Variants in SNRPA1 observed in about 807,000 individuals in gnomAD.
SNRPA1 encodes the protein U2 small nuclear ribonucleoprotein A'.
In SNRPA1, 5 loss-of-function variants were observed where a neutral mutation model predicts 32.3. That is an observed-to-expected ratio of 0.15 (90% CI 0.08 to 0.33). The LOEUF is 0.33. Ranked by LOEUF, SNRPA1 falls within the 10% of genes least tolerant of loss-of-function variation. The probability of loss-of-function intolerance (pLI) is 1.00; values close to 1 mark genes in which losing one functional copy is unlikely to be tolerated. For synonymous variants in SNRPA1, 111 were observed against 120.1 expected (o/e 0.92, Z 0.50); for missense variants, 198 against 311.1 (o/e 0.64, Z 2.74).
intron 8 of SNRPA1, among the ~76,000 whole-genome samples, chr15:101,283,972 G>T (rs972112235): frequency 2.0e-5 from 3 of 152,218 alleles, no homozygotes; most frequent in African/African-American, 7.2e-5. Flanking sequence ...TTAATTTTTA[G>T]CTCCCAGCTC....
At chr15:101,292,899 A>AAAAAAGAAAAAG (rs201980668) in intron 2 of SNRPA1, 126 bp downstream of exon 2, 1 of 539,314 alleles carries the variant, frequency 1.9e-6, no homozygotes, top group South Asian at 6.1e-5. Flanking sequence ...AAATATAAAT[A>AAAAAAGAAAAAG]AAAAAGAAAA....
chr15:101,285,243 A>C (rs1567124182), intron 7 of SNRPA1, 183 bp from the exon 8 acceptor site: 2 of 545,182 alleles, frequency 3.7e-6, no homozygotes. Flanking sequence ...GCCAAACCAC[A>C]AATTTCTAAA....
chr15:101,289,034 G>T (rs1315799189), intron 3 of SNRPA1, among the ~76,000 whole-genome samples: 1 of 152,182 alleles, frequency 6.6e-6, no homozygotes, highest in East Asian at 1.9e-4. Flanking sequence ...TAAAAACAGG[G>T]AGAGCAGAGC....
Position 101,295,156 on chromosome 15 carries a change from A to C in SNRPA1, c.23T>G (p.Leu8Arg). 6.4e-7 allele frequency: 1 copy of C among 1,556,860 alleles called. No individual in the cohort carries two copies. Among genetic ancestry groups the C allele is most frequent in the Non-Finnish European group, 8.7e-7 (1 of 1,155,886 alleles). Residue 8 changes from leucine to arginine, a missense_variant, in exon 1 of 9, where the codon CTG (leucine) becomes CGG (arginine). Transcript: ENST00000254193. ...GGTGTACTGCGCCGCCTGCTCGATC[A>C]GCTCCGCCGTCAGCTTGACCATCCT... MVKLTAE[L>R]IEQAAQYTNA...
intron 8 of SNRPA1, among the ~76,000 whole-genome samples, chr15:101,282,442 C>A (rs2039406584): frequency 6.6e-6 from 1 of 152,204 alleles, no homozygotes; most frequent in African/African-American, 2.4e-5. Context: ...GCCACACAGG[C>A]ACACAGTTAG....
chr15:101,282,361 T>C (rs2039405465), intron 8 of SNRPA1, among the ~76,000 whole-genome samples: 1 of 152,258 alleles, frequency 6.6e-6, no homozygotes, highest in Admixed American at 6.5e-5. Context: ...GTCAGCTGAA[T>C]TATTGTATTG....
chr15:101,293,251 T>C (rs188365092), intron 1 of SNRPA1, 79 bp from the exon 2 acceptor site: 172 of 974,572 alleles, frequency 1.8e-4, no homozygotes, highest in Non-Finnish European at 1.0e-4. Context: ...CTGTATTTCA[T>C]AGTATCTGAC....
intron 1 of SNRPA1, 89 bp downstream of exon 1, chr15:101,295,008 G>A (rs2039572193): frequency 3.5e-6 from 3 of 851,538 alleles, no homozygotes; most frequent in Non-Finnish European, 5.0e-6. Context: ...CGCGGGCCAA[G>A]CTCCGGCCTT....
chr15:101,290,255 G>T (rs2039507645), intron 3 of SNRPA1, among the ~76,000 whole-genome samples: 2 of 152,210 alleles, frequency 1.3e-5, no homozygotes, highest in South Asian at 4.1e-4. Flanking sequence ...CATGCTGTGA[G>T]ATTCTAACAT....
intron 3 of SNRPA1, among the ~76,000 whole-genome samples, chr15:101,289,067 T>G (rs2039490356): frequency 6.6e-6 from 1 of 152,198 alleles, no homozygotes; most frequent in Non-Finnish European, 1.5e-5. Context: ...AAAAGCAAGC[T>G]GCCATCTTCA....
Position 101,287,658 on chromosome 15 carries a change from T to C in SNRPA1, c.354A>G (p.Leu118=). ...PLASLKSLTY[L]SILRNPVTNK... is the part of the protein sequence containing the mutation. ...GTCACAATATGTAATTCCCATACCT[T>C]AGGTAAGTCAGCGATTTGAGAGATG... is the stretch of plus-strand genomic sequence containing the variant. Residue 118 remains leucine, a splice_region_variant and synonymous_variant, in exon 4 of 9, where the codon CTA becomes CTG. Coordinates refer to ENST00000254193, the MANE Select transcript of SNRPA1 (RefSeq NM_003090.4). 6.2e-7 allele frequency: 1 copy of C among 1,613,210 alleles called. No homozygotes were observed. The highest frequency in any genetic ancestry group is 1.3e-5 in the African/African-American group (1 of 74,988).
intron 3 of SNRPA1, among the ~76,000 whole-genome samples, chr15:101,291,085 T>C (rs1223903639): frequency 2.0e-5 from 3 of 152,108 alleles, no homozygotes; most frequent in African/African-American, 7.2e-5. Context: ...CTCACTATGT[T>C]GCCCAGGCTG....
intron 3 of SNRPA1, among the ~76,000 whole-genome samples, chr15:101,291,512 T>G (rs1046729347): frequency 1.5e-5 from 2 of 131,382 alleles, no homozygotes; most frequent in African/African-American, 6.6e-5. Flanking sequence ...ATTACTGAGA[T>G]AGTTTACTTT....
At chr15:101,286,621 G>T in intron 5 of SNRPA1, 1 of 455,388 alleles carries the variant, frequency 2.2e-6, no homozygotes, top group South Asian at 3.1e-5. Context: ...TAAGTTCTCC[G>T]CTGGGAACGT....
intron 8 of SNRPA1, among the ~76,000 whole-genome samples, chr15:101,283,881 C>T (rs1239472645): frequency 5.9e-5 from 9 of 152,158 alleles, no homozygotes; most frequent in South Asian, 2.1e-4. Flanking sequence ...CGGAGGTTGG[C>T]GTGAGCCGAG....
intron 1 of SNRPA1, 200 bp from the exon 2 acceptor site, chr15:101,293,372 C>T (rs1303263801): frequency 4.6e-6 from 2 of 435,348 alleles, no homozygotes; most frequent in South Asian, 4.9e-5. Context: ...TCTCAAGTCC[C>T]CAGTGCCATG....
intron 4 of SNRPA1, 139 bp downstream of exon 4, chr15:101,287,517 T>C: frequency 1.5e-6 from 1 of 680,398 alleles, no homozygotes; most frequent in South Asian, 1.7e-5. Context: ...CATGAACTCA[T>C]CCTTTTTTAT....
chr15:101,292,061 T>C (rs372740100), intron 2 of SNRPA1, 21 bp from the exon 3 acceptor site: 78 of 1,545,940 alleles, frequency 5.0e-5, no homozygotes, highest in Non-Finnish European at 6.6e-5. Flanking sequence ...AATAGAGTCT[T>C]AGTAAAAGTG....
intron 8 of SNRPA1, among the ~76,000 whole-genome samples, chr15:101,283,697 G>A (rs546067998): frequency 4.6e-5 from 7 of 152,342 alleles, no homozygotes; most frequent in Middle Eastern, 3.4e-3. Flanking sequence ...TGTAATCCCA[G>A]CACTTTGGGA....
Sources: gnomAD v4.1 joint callset for allele counts (sites outside exome capture counted in the v4.1 genomes callset) on GRCh38, gnomAD v4.1.1 for gene constraint, MANE v1.5 for transcripts, NCBI Gene and HGNC (gene_info 2026-07-23, HGNC 2026-07-21) for gene names.